The following DUSP6 variants were observed in gnomAD, a reference collection of about 807,000 sequenced individuals.
DUSP6 encodes the protein dual specificity protein phosphatase 6.
Under a neutral mutation model 28.0 loss-of-function variants are expected in DUSP6, and 6 were observed. The observed-to-expected ratio is 0.21, with a 90% CI of 0.12 to 0.42. DUSP6 has a LOEUF of 0.42. Ranked by LOEUF, DUSP6 falls within the 10% of genes least tolerant of loss-of-function variation. The pLI is 1.00. For missense variants in DUSP6, 451 were observed against 498.1 expected (o/e 0.91, Z 0.90); for synonymous variants, 252 against 217.5 (o/e 1.16, Z -1.40).
chr12:89,351,942 C>T lies in DUSP6; in HGVS notation c.98G>A (p.Arg33Gln). The T allele has an allele frequency of 2.5e-6, 4 of 1,613,008 alleles. No homozygotes were observed. Among genetic ancestry groups the T allele is most frequent in the Non-Finnish European group, 3.4e-6 (4 of 1,179,956 alleles). The change falls in exon 1 of 3, where the codon CGG (arginine) becomes CAG (glutamine). Residue 33 changes from arginine (R) to glutamine (Q), a missense_variant. Physicochemically the swap from Arg to Gln is conservative, Grantham distance 43. Around this residue, in one of 2 missense-constraint regions of DUSP6, gnomAD observed 347 missense variants for 346.6 expected, o/e 1.00. Coordinates refer to ENST00000279488, the MANE Select transcript of DUSP6 (RefSeq NM_001946.4). ...LNEQLELGNE[R>Q]LLLMDCRPQE... The stretch of plus-strand genomic sequence containing the variant: ...CGGCCGGCAGTCCATCAGCAGCAGC[C>T]GCTCGTTGCCCAGCTCCAGCTGCTC...
At chr12:89,350,549 C>T (rs1592766760) in intron 2 of DUSP6, 39 bp downstream of exon 2, 5 of 1,573,548 alleles carry the variant, frequency 3.2e-6, no homozygotes, top group East Asian at 2.2e-5. Context: ...AGGAATTTTG[C>T]ATTTAAATGT....
chr12:89,349,692 A>C lies in DUSP6; in HGVS notation c.839-131T>G, dbSNP rs535073722. The C allele has an allele frequency of 4.6e-6, 3 of 646,840 alleles. No homozygotes were observed. In the African/African-American group the frequency reaches 5.5e-5, roughly 12 times the overall value. 40.1% of individuals were successfully genotyped at this position (646,840 alleles called of 1,614,324 possible). On this transcript the variant is annotated intron_variant, in intron 2 of 2. Coordinates refer to ENST00000279488, the MANE Select transcript of DUSP6 (RefSeq NM_001946.4). ...TGTGTGGCAGTTGAGCCCTACAAGC[A>C]GCAGAAAATGTATCACTGAAATGAA...
At position 89,351,761 on chromosome 12, in the gene DUSP6, G is replaced by C. The variant is rs370311640; in HGVS notation, c.279C>G (p.Asp93Glu). 7.7e-5 allele frequency: 124 copies of C among 1,608,502 alleles called. No individual in the cohort carries two copies. In the Middle Eastern group the frequency reaches 8.2e-4, roughly 11 times the overall value. The stretch of plus-strand genomic sequence containing the variant: ...TGCTCTCGTCGTAGAGCACCACTGT[G>C]TCGGTGCCACAGCGCCGGGTGAAGC... ...RDRFTRRCGT[D>E]TVVLYDESSS... is the part of the protein sequence containing the mutation. The change falls in exon 1 of 3, where the codon GAC (aspartate) becomes GAG (glutamate). Residue 93 changes from aspartate to glutamate, a missense_variant. By Grantham distance (45) the Asp-to-Glu change is conservative. Coordinates refer to ENST00000279488, the MANE Select transcript of DUSP6 (RefSeq NM_001946.4).
chr12:89,351,334 A>T, intron 1 of DUSP6: 1 of 577,976 alleles, frequency 1.7e-6, no homozygotes, highest in Non-Finnish European at 3.0e-6. Context: ...GCAAATCTTA[A>T]TTCAAAATCG....
In DUSP6 at chr12:89,351,695, G is replaced by A. The variant is rs200020030; in HGVS notation, c.345C>T (p.Leu115=). 6.2e-6 allele frequency: 10 copies of A among 1,607,072 alleles called. No individual in the cohort carries two copies. The highest frequency in any genetic ancestry group is 2.2e-5 in the East Asian group (1 of 44,478). Residue 115 remains leucine (L), a synonymous_variant, in exon 1 of 3, where the codon CTC becomes CTT. Coordinates refer to ENST00000279488, the MANE Select transcript of DUSP6 (RefSeq NM_001946.4). ...WNENTGGESV[L]GLLLKKLKDE... Reference sequence around the variant, plus strand: ...CCTTGAGCTTCTTGAGCAGCAGCCCGAGCACCGACTCGCCGCCCGTATTCT... The same window carrying A: ...CCTTGAGCTTCTTGAGCAGCAGCCCAAGCACCGACTCGCCGCCCGTATTCT...
intron 1 of DUSP6, chr12:89,351,438 G>T: frequency 1.1e-6 from 1 of 870,618 alleles, no homozygotes; most frequent in Non-Finnish European, 1.7e-6. Context: ...AGCCGGAAGC[G>T]AGTGGATTCT....
Position 89,348,996 on chromosome 12 carries a change from A to G in DUSP6, c.*258T>C, listed in dbSNP as rs1592765738. The stretch of plus-strand genomic sequence containing the variant: ...GAAGTCCTCGAATCCCAGTCCCTGC[A>G]TGGGTAGGCTGTACACATGGGTACA... On this transcript the variant is annotated 3_prime_UTR_variant, in exon 3 of 3. Coordinates refer to ENST00000279488, the MANE Select transcript of DUSP6 (RefSeq NM_001946.4). The G allele has an allele frequency of 2.4e-6, 1 of 419,368 alleles. No homozygotes were observed. Among genetic ancestry groups the G allele is most frequent in the East Asian group, 3.7e-5 (1 of 26,908 alleles). 26.0% of individuals were successfully genotyped at this position (419,368 alleles called of 1,614,324 possible).
rs866581285 is a variant in DUSP6 at position 89,351,627 on chromosome 12, C to T, written c.400+13G>A. Reference sequence around the variant, plus strand: ...TAGCCCTGCCCCGCGCGCGGAGTTCCCTGGGCGCGTACCTTCCAGGTAGAA... The same window carrying T: ...TAGCCCTGCCCCGCGCGCGGAGTTCTCTGGGCGCGTACCTTCCAGGTAGAA... On this transcript the variant is annotated intron_variant, in intron 1 of 2. Coordinates refer to ENST00000279488, the MANE Select transcript of DUSP6 (RefSeq NM_001946.4). 4 of 1,588,476 alleles carry T rather than the reference C, an allele frequency of 2.5e-6. No homozygotes were observed. The highest frequency in any genetic ancestry group is 2.7e-5 in the African/African-American group (2 of 74,360).
In DUSP6 at chr12:89,351,863, C is replaced by T; in HGVS notation, c.177G>A (p.Pro59=). 2 of 1,612,324 alleles carry T rather than the reference C, an allele frequency of 1.2e-6. No homozygotes were observed. Among genetic ancestry groups the T allele is most frequent in the Non-Finnish European group, 1.7e-6 (2 of 1,179,806 alleles). ...HIESAINVAI[P]GIMLRRLQKG... ...TCTGCAGGCGCCGCAGCATGATGCC[C>T]GGGATGGCCACGTTGATGGCCGACT... is the stretch of plus-strand genomic sequence containing the variant. Residue 59 remains proline, a synonymous_variant, in exon 1 of 3, where the codon CCG becomes CCA. Coordinates refer to ENST00000279488, the MANE Select transcript of DUSP6 (RefSeq NM_001946.4).
chr12:89,351,807 G>C lies in DUSP6; in HGVS notation c.233C>G (p.Thr78Arg). ...KGNLPVRALF[T>R]RGEDRDRFTR... is the part of the protein sequence containing the mutation. The stretch of plus-strand genomic sequence containing the variant: ...GAAGCGGTCCCGGTCCTCGCCGCGC[G>C]TGAAGAGCGCGCGCACCGGCAGGTT... The change falls in exon 1 of 3, where the codon ACG becomes AGG. Residue 78 changes from threonine (T) to arginine (R), a missense_variant. Physicochemically the swap from Thr to Arg is moderately conservative, Grantham distance 71. Coordinates refer to ENST00000279488, the MANE Select transcript of DUSP6 (RefSeq NM_001946.4). The C allele has an allele frequency of 6.2e-7, 1 of 1,610,858 alleles. No individual in the cohort carries two copies. The highest frequency in any genetic ancestry group is 1.7e-4 in the Middle Eastern group (1 of 6,058).
In DUSP6 at chr12:89,352,184, G is replaced by C; in HGVS notation, c.-145C>G. ...TTACCCAAGCCGAGGCTAGCGGTTG[G>C]GGCAGACGAGACAGAAGTAAAGCCG... On this transcript the variant is annotated 5_prime_UTR_variant, in exon 1 of 3. Transcript: ENST00000279488. The C allele has an allele frequency of 7.9e-7, 1 of 1,269,634 alleles. No individual in the cohort carries two copies. Among genetic ancestry groups the C allele is most frequent in the Non-Finnish European group, 1.1e-6 (1 of 929,078 alleles). 78.6% of individuals were successfully genotyped at this position (1,269,634 alleles called of 1,614,324 possible).
rs546531129 is a variant in DUSP6 at position 89,350,232 on chromosome 12, A to G, written c.838+356T>C. On this transcript the variant is annotated intron_variant, in intron 2 of 2. Coordinates refer to ENST00000279488, the MANE Select transcript of DUSP6 (RefSeq NM_001946.4). ...TAAAATAACTCCTAGATGTTTTTAAATTATAAAGCAATGCTGGAATTCCTG... is the reference window on the plus strand; with the variant it reads ...TAAAATAACTCCTAGATGTTTTTAAGTTATAAAGCAATGCTGGAATTCCTG... Among the ~76,000 whole-genome samples, 6 of 152,340 alleles carry G rather than the reference A, an allele frequency of 3.9e-5. No homozygotes were observed. In the South Asian group the frequency reaches 1.2e-3, roughly 32 times the overall value.
Position 89,352,064 on chromosome 12 carries a change from G to C in DUSP6, c.-25C>G, listed in dbSNP as rs766434885. The C allele has an allele frequency of 1.3e-6, 2 of 1,599,402 alleles. No homozygotes were observed. The highest frequency in any genetic ancestry group is 1.7e-5 in the Admixed American group (1 of 59,630). On this transcript the variant is annotated 5_prime_UTR_variant, in exon 1 of 3. Transcript: ENST00000279488. ...TGGGGGTCGAGCTGCGGGAGAGGGC[G>C]GGGTGCCTACCAGACGCCCCTCGGG...
At chr12:89,351,479 G>A (rs1462706044) in intron 1 of DUSP6, 161 bp downstream of exon 1, 1 of 1,209,652 alleles carries the variant, frequency 8.3e-7, no homozygotes, top group Non-Finnish European at 1.1e-6. Context: ...TGCGGAACGC[G>A]CGGTTCGCGG....
Position 89,352,023 on chromosome 12 carries a change from CTGAGCG to C in DUSP6, c.11_16del (p.Thr4_Leu5del), listed in dbSNP as rs1879219017. ...CATTTCCGACGCGAAGGGCACGGGT[CTGAGCG>C]TATCTATCATGGGGGTCGAGCTGCG... On this transcript the variant is annotated inframe_deletion, in exon 1 of 3. Transcript: ENST00000279488. 3 of 1,611,714 alleles carry C rather than the reference CTGAGCG, an allele frequency of 1.9e-6. No individual in the cohort carries two copies. Among genetic ancestry groups the C allele is most frequent in the Non-Finnish European group, 2.5e-6 (3 of 1,178,910 alleles).
In DUSP6 at chr12:89,350,888, T is replaced by C. The variant is rs546367623; in HGVS notation, c.538A>G (p.Ile180Val). The C allele has an allele frequency of 4.3e-6, 7 of 1,613,952 alleles. No homozygotes were observed. Among genetic ancestry groups the C allele is most frequent in the African/African-American group, 1.3e-5 (1 of 75,034 alleles). Residue 180 changes from isoleucine (I) to valine (V), a missense_variant, in exon 2 of 3, where the codon ATC (isoleucine) becomes GTC (valine). By Grantham distance (29) the Ile-to-Val change is conservative. Coordinates refer to ENST00000279488, the MANE Select transcript of DUSP6 (RefSeq NM_001946.4). The stretch of plus-strand genomic sequence containing the variant: ...GGGTCTCGGTCAAGGTCAGACTCGA[T>C]GTCCGAGGAAGAGTCAGAGCTGATC... ...LRISSDSSSD[I>V]ESDLDRDPNS...
chr12:89,352,274 G>C lies in DUSP6; in HGVS notation c.-235C>G. 1.7e-6 allele frequency: 1 copy of C among 591,914 alleles called. No homozygotes were observed. Among genetic ancestry groups the C allele is most frequent in the Non-Finnish European group, 2.9e-6 (1 of 339,832 alleles). The allele number at this position is 591,914 out of a possible 1,614,324, so 36.7% of individuals were successfully genotyped here. The stretch of plus-strand genomic sequence containing the variant: ...GTGTCAATGAATCTCTCTCAATGAA[G>C]CTGCCCAGATAGTTTTTGTTCCTCC... On this transcript the variant is annotated 5_prime_UTR_variant, in exon 1 of 3. Transcript: ENST00000279488.
At position 89,352,103 on chromosome 12, in the gene DUSP6, G is replaced by A; in HGVS notation, c.-64C>T. On this transcript the variant is annotated 5_prime_UTR_variant, in exon 1 of 3. Transcript: ENST00000279488. ...ACGCCCCTCGGGGCAGGCATAGGCC[G>A]AGCGCACCGCGCGCGAAGCTGCCGC... 3 of 1,537,788 alleles carry A rather than the reference G, an allele frequency of 2.0e-6. No individual in the cohort carries two copies. Among genetic ancestry groups the A allele is most frequent in the Non-Finnish European group, 2.6e-6 (3 of 1,141,766 alleles).
In DUSP6 at chr12:89,352,158, C is replaced by T; in HGVS notation, c.-119G>A. On this transcript the variant is annotated 5_prime_UTR_variant, in exon 1 of 3. Transcript: ENST00000279488. ...GGAGCGGGGTTTAATTCCGCCTCGC[C>T]TTACCCAAGCCGAGGCTAGCGGTTG... is the stretch of plus-strand genomic sequence containing the variant. The T allele has an allele frequency of 6.9e-7, 1 of 1,458,768 alleles. No individual in the cohort carries two copies. The highest frequency in any genetic ancestry group is 2.3e-5 in the East Asian group (1 of 43,584). 90.4% of individuals were successfully genotyped at this position (1,458,768 alleles called of 1,614,324 possible). A position where few individuals can be genotyped will look rare whatever the true frequency, so the allele number is the denominator to read the frequency against.
Sources: allele counts gnomAD v4.1 joint callset (sites outside exome capture counted in the v4.1 genomes callset), GRCh38; gene constraint gnomAD v4.1.1; regional missense constraint gnomAD v4.1.1; transcripts MANE v1.5; gene names NCBI Gene and HGNC (gene_info 2026-07-23, HGNC 2026-07-21).